Variants in CACNA2D3 observed in about 807,000 individuals in gnomAD.
The protein encoded by CACNA2D3 is calcium voltage-gated channel auxiliary subunit alpha2delta 3.
Under a neutral mutation model 160.6 loss-of-function variants are expected in CACNA2D3, and 60 were observed. That is an observed-to-expected ratio of 0.37 (90% CI 0.30 to 0.46). The LOEUF (loss-of-function observed/expected upper bound fraction) is 0.46. Ranked by LOEUF, CACNA2D3 falls within the 20% of genes least tolerant of loss-of-function variation. CACNA2D3 has a pLI of 1.00. For synonymous variants in CACNA2D3, 558 were observed against 492.9 expected, an observed-to-expected ratio of 1.13 and a Z score of -1.75; for missense variants, 1,205 against 1,365.0, an observed-to-expected ratio of 0.88 and a Z score of 1.85.
chr3:54,786,453 C>T (rs1417633865), intron 13 of CACNA2D3, among the ~76,000 whole-genome samples: 4 of 152,136 alleles, frequency 2.6e-5, no homozygotes, highest in Admixed American at 2.0e-4. Context: ...CTGGAGTCCC[C>T]TCCCTGCACT....
At chr3:54,658,590 T>C (rs765185339) in intron 11 of CACNA2D3, among the ~76,000 whole-genome samples, 16 of 152,226 alleles carry the variant, frequency 1.1e-4, no homozygotes, top group Non-Finnish European at 2.1e-4. Flanking sequence ...ATAAATGGTT[T>C]ATAAATGATT....
intron 3 of CACNA2D3, among the ~76,000 whole-genome samples, chr3:54,354,729 CGTCT>C (rs1698620066): frequency 1.3e-5 from 2 of 152,216 alleles, no homozygotes; most frequent in African/African-American, 2.4e-5. Flanking sequence ...TCTAAGACCA[CGTCT>C]GCTGGACCCC....
intron 4 of CACNA2D3, among the ~76,000 whole-genome samples, chr3:54,391,114 C>A (rs1040406435): frequency 6.6e-6 from 1 of 152,222 alleles, no homozygotes; most frequent in Non-Finnish European, 1.5e-5. Context: ...TCTGCCCCTT[C>A]TCTCGCTTTA....
chr3:54,439,652 C>T (rs141994020), intron 4 of CACNA2D3, among the ~76,000 whole-genome samples: 33 of 152,256 alleles, frequency 2.2e-4, no homozygotes, highest in East Asian at 9.7e-4. Context: ...GGTGCTACCA[C>T]GCCTGGTTCA....
intron 2 of CACNA2D3, among the ~76,000 whole-genome samples, chr3:54,283,750 G>A (rs1450494338): frequency 6.6e-6 from 1 of 152,140 alleles, no homozygotes. Flanking sequence ...TGACACCAGA[G>A]GTGTTTCTCT....
chr3:54,303,559 CTG>C (rs1703527066), intron 2 of CACNA2D3, among the ~76,000 whole-genome samples: 1 of 152,142 alleles, frequency 6.6e-6, no homozygotes, highest in African/African-American at 2.4e-5. Context: ...TGACTGGAGT[CTG>C]TGAGTTTGGT....
chr3:54,539,976 T>C (rs565838698), intron 5 of CACNA2D3, among the ~76,000 whole-genome samples: 6 of 152,240 alleles, frequency 3.9e-5, no homozygotes, highest in African/African-American at 1.4e-4. Context: ...GCCTGGAAAG[T>C]CTGTGGGTAG....
intron 3 of CACNA2D3, among the ~76,000 whole-genome samples, chr3:54,355,231 T>A (rs1698628579): frequency 6.6e-6 from 1 of 152,178 alleles, no homozygotes; most frequent in Non-Finnish European, 1.5e-5. Flanking sequence ...GGGGCTGGGT[T>A]ATGTACAACT....
At chr3:54,558,921 G>C (rs906308624) in intron 5 of CACNA2D3, among the ~76,000 whole-genome samples, 2 of 152,158 alleles carry the variant, frequency 1.3e-5, no homozygotes, top group Admixed American at 6.5e-5. Context: ...CACTGCTGTA[G>C]AATGGAGGAG....
At chr3:54,455,899 A>G (rs1003768205) in intron 4 of CACNA2D3, among the ~76,000 whole-genome samples, 2 of 152,030 alleles carry the variant, frequency 1.3e-5, no homozygotes, top group Non-Finnish European at 2.9e-5. Flanking sequence ...AACTGGATTT[A>G]TTTCTGGGCT....
At chr3:54,370,993 C>A (rs1007983111) in intron 3 of CACNA2D3, among the ~76,000 whole-genome samples, 5 of 152,008 alleles carry the variant, frequency 3.3e-5, no homozygotes, top group Admixed American at 6.6e-5. Flanking sequence ...CTTTTATGTT[C>A]TTTGATTTCT....
intron 35 of CACNA2D3, among the ~76,000 whole-genome samples, chr3:55,041,929 G>C (rs561912066): frequency 6.6e-6 from 1 of 151,922 alleles, no homozygotes; most frequent in African/African-American, 2.4e-5. Flanking sequence ...GAAGTGTGCC[G>C]CTTAATTTTC....
At chr3:54,342,293 A>T (rs988683320) in intron 3 of CACNA2D3, among the ~76,000 whole-genome samples, 1 of 152,214 alleles carries the variant, frequency 6.6e-6, no homozygotes, top group Non-Finnish European at 1.5e-5. Context: ...GGATTTAAAG[A>T]TGAGTAAGGC....
chr3:54,353,458 ATT>A (rs33922758), intron 3 of CACNA2D3, among the ~76,000 whole-genome samples: 4,140 of 147,202 alleles, frequency 0.028, 72 homozygotes, highest in South Asian at 0.057. Context: ...CAGGAATAGC[ATT>A]TTTTTTTTTT....
intron 4 of CACNA2D3, among the ~76,000 whole-genome samples, chr3:54,432,084 A>G (rs1317374781): frequency 6.6e-6 from 1 of 152,172 alleles, no homozygotes; most frequent in African/African-American, 2.4e-5. Flanking sequence ...GAAAAAATAT[A>G]CATGACTGTG....
At chr3:54,897,356 T>C (rs749441550) in intron 26 of CACNA2D3, among the ~76,000 whole-genome samples, 4 of 152,240 alleles carry the variant, frequency 2.6e-5, no homozygotes, top group African/African-American at 4.8e-5. Flanking sequence ...GACAGGCATG[T>C]AGCCGATTAG....
intron 21 of CACNA2D3, among the ~76,000 whole-genome samples, chr3:54,884,561 A>G (rs1002174771): frequency 3.9e-5 from 6 of 152,210 alleles, no homozygotes; most frequent in Admixed American, 2.0e-4. Context: ...TCAGAAGTGT[A>G]TGTCTGCTGA....
intron 5 of CACNA2D3, among the ~76,000 whole-genome samples, chr3:54,561,790 C>T (rs569307843): frequency 2.4e-4 from 37 of 152,202 alleles, no homozygotes; most frequent in Admixed American, 1.6e-3. Context: ...TTGGCCTGTT[C>T]CCATGCTGGT....
At chr3:54,193,721 T>A (rs1038769342) in intron 2 of CACNA2D3, among the ~76,000 whole-genome samples, 1 of 152,224 alleles carries the variant, frequency 6.6e-6, no homozygotes, top group African/African-American at 2.4e-5. Flanking sequence ...GATGAGTTTG[T>A]TGCAGGAAGA....
Sources: allele counts gnomAD v4.1 joint callset (sites outside exome capture counted in the v4.1 genomes callset), GRCh38; gene constraint gnomAD v4.1.1; transcripts MANE v1.5; gene names NCBI Gene and HGNC (gene_info 2026-07-23, HGNC 2026-07-21).